Variants in BLMH observed in about 807,000 individuals in gnomAD.
BLMH encodes bleomycin hydrolase.
BLMH carries 32 observed loss-of-function variants against 61.6 expected under a neutral mutation model. The observed-to-expected ratio is 0.52, with a 90% CI of 0.39 to 0.70. The LOEUF is 0.70. Among genes scored for constraint, BLMH ranks in the 30% least tolerant of loss-of-function variants. The pLI is 0.00. For missense variants in BLMH, 460 were observed against 555.5 expected, an observed-to-expected ratio of 0.83 and a Z score of 1.73; for synonymous variants, 183 against 193.8, an observed-to-expected ratio of 0.94 and a Z score of 0.46.
chr17:30,255,354 T>C (rs1379214915), intron 11 of BLMH, among the ~76,000 whole-genome samples: 1 of 152,226 alleles, frequency 6.6e-6, no homozygotes, highest in Non-Finnish European at 1.5e-5. Flanking sequence ...GTACACTCCA[T>C]GATGTCCACA....
intron 3 of BLMH, among the ~76,000 whole-genome samples, chr17:30,288,878 G>T (rs1371491321): frequency 6.6e-6 from 1 of 152,070 alleles, no homozygotes; most frequent in Non-Finnish European, 1.5e-5. Context: ...GAGTTGAGAG[G>T]ATGGCTTGAA....
At chr17:30,279,189 A>G (rs750198885) in intron 6 of BLMH, among the ~76,000 whole-genome samples, 1 of 152,248 alleles carries the variant, frequency 6.6e-6, no homozygotes, top group African/African-American at 2.4e-5. Flanking sequence ...AGAACAGAAG[A>G]AGCCAATGAT....
At chr17:30,287,022 T>C in intron 4 of BLMH, 120 bp from the exon 5 acceptor site, 1 of 668,140 alleles carries the variant, frequency 1.5e-6, no homozygotes, top group Non-Finnish European at 2.6e-6. Context: ...ATCTTATACT[T>C]CATATTATGA....
chr17:30,255,717 TA>T (rs1907794331), intron 11 of BLMH, among the ~76,000 whole-genome samples: 1 of 152,068 alleles, frequency 6.6e-6, no homozygotes, highest in Admixed American at 6.5e-5. Context: ...GCCAGCATGG[TA>T]AAACCCATCT....
intron 11 of BLMH, among the ~76,000 whole-genome samples, chr17:30,261,315 C>T (rs899370049): frequency 6.6e-6 from 1 of 152,208 alleles, no homozygotes; most frequent in Non-Finnish European, 1.5e-5. Context: ...TGGGTATAAT[C>T]ACCCATGTTC....
intron 11 of BLMH, among the ~76,000 whole-genome samples, chr17:30,258,595 A>C (rs1907877716): frequency 6.6e-6 from 1 of 152,144 alleles, no homozygotes; most frequent in Admixed American, 6.5e-5. Flanking sequence ...CAGCCTGAGA[A>C]GTGCCCCTCT....
chr17:30,271,994 C>A (rs1361849904), intron 9 of BLMH, among the ~76,000 whole-genome samples: 7 of 152,040 alleles, frequency 4.6e-5, no homozygotes, highest in African/African-American at 1.7e-4. Flanking sequence ...TAGCAGATTT[C>A]TCTATCAAGA....
intron 11 of BLMH, among the ~76,000 whole-genome samples, chr17:30,255,028 A>G (rs1039230869): frequency 6.6e-6 from 1 of 152,248 alleles, no homozygotes; most frequent in Admixed American, 6.5e-5. Flanking sequence ...AAACACGTTT[A>G]ATCAGTCCCC....
At chr17:30,285,258 A>T in intron 6 of BLMH, 130 bp downstream of exon 6, 4 of 668,126 alleles carry the variant, frequency 6.0e-6, no homozygotes, top group Non-Finnish European at 9.7e-6. Context: ...TTCAGTGTAA[A>T]ATAAGTAATT....
Position 30,271,373 on chromosome 17 carries a change from T to A in BLMH, c.1044A>T (p.Leu348Phe), listed in dbSNP as rs1792717766. 8 of 1,613,290 alleles carry A rather than the reference T, an allele frequency of 5.0e-6. No homozygotes were observed. Among genetic ancestry groups the A allele is most frequent in the Non-Finnish European group, 6.8e-6 (8 of 1,179,280 alleles). Residue 348 changes from leucine to phenylalanine, a missense_variant, in exon 10 of 12, where the codon TTA becomes TTT. Coordinates refer to ENST00000261714, the MANE Select transcript of BLMH (RefSeq NM_000386.4). ...TGTTCTTCAAGGAGACACCAAACAC[T>A]AACTCATGGTCATAGCTGTAAAAAG... The part of the protein sequence containing the change: ...LSDMNLYDHE[L>F]VFGVSLKNMN...
At chr17:30,271,450 G>T in intron 9 of BLMH, 62 bp from the exon 10 acceptor site, 2 of 1,322,790 alleles carry the variant, frequency 1.5e-6, no homozygotes, top group Non-Finnish European at 2.2e-6. Context: ...CTGGCTTTTG[G>T]TTGTAAAAGG....
In BLMH at chr17:30,280,904, A is replaced by G. The variant is rs578178813; in HGVS notation, c.645+4484T>C. On this transcript the variant is annotated intron_variant, in intron 6 of 11. Transcript: ENST00000261714. Reference sequence around the variant, plus strand: ...CACAGAAAACAGCTCAACTTTGAAAAAAGTTCAGTGCTGTGGGTAAATGAG... The same window carrying G: ...CACAGAAAACAGCTCAACTTTGAAAGAAGTTCAGTGCTGTGGGTAAATGAG... 2.0e-5 allele frequency among the ~76,000 whole-genome samples: 3 copies of G among 152,308 alleles called. No homozygotes were observed. In the East Asian group the frequency reaches 5.8e-4, roughly 29 times the overall value.
intron 1 of BLMH, 45 bp from the exon 2 acceptor site, chr17:30,291,553 AG>A (rs1244913961): frequency 6.2e-7 from 1 of 1,601,096 alleles, no homozygotes; most frequent in Non-Finnish European, 8.5e-7. Flanking sequence ...AGAGGGGGAA[AG>A]GGCTGATCTG....
intron 11 of BLMH, among the ~76,000 whole-genome samples, chr17:30,254,857 C>A (rs1314268299): frequency 1.3e-5 from 2 of 152,200 alleles, no homozygotes; most frequent in Non-Finnish European, 2.9e-5. Context: ...TCTGCATGTA[C>A]TAGACCCTTT....
chr17:30,289,541 A>C, intron 2 of BLMH, 59 bp from the exon 3 acceptor site: 1 of 1,155,806 alleles, frequency 8.7e-7, no homozygotes, highest in Non-Finnish European at 1.2e-6. Context: ...CACTGCTCCA[A>C]CTGTATTTCC....
At chr17:30,278,303 G>C (rs1324199970) in intron 6 of BLMH, among the ~76,000 whole-genome samples, 1 of 152,106 alleles carries the variant, frequency 6.6e-6, no homozygotes, top group Non-Finnish European at 1.5e-5. Flanking sequence ...AAAAGATACT[G>C]AACAGTGAAC....
chr17:30,274,299 G>T, intron 6 of BLMH, 102 bp from the exon 7 acceptor site: 1 of 1,342,548 alleles, frequency 7.4e-7, no homozygotes, highest in Non-Finnish European at 1.0e-6. Context: ...GAAGTTAGTG[G>T]CTAAATTCAA....
intron 7 of BLMH, chr17:30,273,165 ATTTT>A (rs35833844): frequency 5.8e-4 from 113 of 193,398 alleles, no homozygotes; most frequent in South Asian, 1.1e-3. Flanking sequence ...TCCAAAAGCA[ATTTT>A]TTTTTTTTTT....
intron 11 of BLMH, among the ~76,000 whole-genome samples, chr17:30,251,681 G>T (rs181395630): frequency 3.2e-3 from 486 of 151,448 alleles, no homozygotes; most frequent in Non-Finnish European, 5.4e-3. Context: ...ACCTAGGCCT[G>T]TGCTATACCA....
Sources: gnomAD v4.1 joint callset for allele counts (sites outside exome capture counted in the v4.1 genomes callset) on GRCh38, gnomAD v4.1.1 for gene constraint, MANE v1.5 for transcripts, NCBI Gene and HGNC (gene_info 2026-07-23, HGNC 2026-07-21) for gene names.